The following IRAK4 variants were observed in gnomAD, a reference collection of about 807,000 sequenced individuals.
IRAK4 encodes the protein interleukin-1 receptor-associated kinase 4.
A neutral mutation model predicts 51.8 loss-of-function variants in IRAK4; 44 were observed. That is an observed-to-expected ratio of 0.85 (90% CI 0.67 to 1.09). The LOEUF (loss-of-function observed/expected upper bound fraction) is 1.09, where lower values mean the gene tolerates loss of function less well. Ranked by LOEUF, IRAK4 falls within the 50% of genes least tolerant of loss-of-function variation. The probability of loss-of-function intolerance (pLI) is 0.00; values close to 1 mark genes in which losing one functional copy is unlikely to be tolerated. For synonymous variants in IRAK4, 149 were observed against 174.1 expected, an observed-to-expected ratio of 0.86 and a Z score of 1.13; for missense variants, 487 against 538.0, an observed-to-expected ratio of 0.91 and a Z score of 0.94.
chr12:43,783,221 T>C (rs1258748284), intron 9 of IRAK4, among the ~76,000 whole-genome samples: 2 of 152,118 alleles, frequency 1.3e-5, no homozygotes, highest in Non-Finnish European at 1.5e-5. Context: ...GACATAGCTT[T>C]GTATAGAATG....
Position 43,786,733 on chromosome 12 carries a change from C to T in IRAK4, c.*18C>T. On this transcript the variant is annotated 3_prime_UTR_variant, in exon 12 of 12. Coordinates refer to ENST00000613694, the MANE Select transcript of IRAK4 (RefSeq NM_016123.4). ...CTTCTTAAAACTTTATTGGAAAAGA[C>T]TCTTGACTTTTTATATACACCTATC... The T allele has an allele frequency of 6.2e-7, 1 of 1,607,702 alleles. No homozygotes were observed. The highest frequency in any genetic ancestry group is 8.5e-7 in the Non-Finnish European group (1 of 1,174,584).
chr12:43,772,421 T>C (rs1424530159), intron 4 of IRAK4, 59 bp downstream of exon 4: 1 of 1,446,646 alleles, frequency 6.9e-7, no homozygotes, highest in African/African-American at 1.4e-5. Context: ...ACCAGTGCTT[T>C]AAAAGAAAGC....
chr12:43,777,481 CAT>C, intron 6 of IRAK4, 147 bp from the exon 7 acceptor site: 1 of 631,200 alleles, frequency 1.6e-6, no homozygotes, highest in Non-Finnish European at 2.5e-6. Context: ...TTACAATAAA[CAT>C]ATATAAACAT....
chr12:43,764,242 G>A (rs1360696351), intron 1 of IRAK4, among the ~76,000 whole-genome samples: 1 of 152,140 alleles, frequency 6.6e-6, no homozygotes, highest in Admixed American at 6.5e-5. Flanking sequence ...TGGTCAACAT[G>A]GCGAAACCCC....
chr12:43,783,314 T>C (rs1277582446), intron 9 of IRAK4, among the ~76,000 whole-genome samples: 2 of 151,772 alleles, frequency 1.3e-5, no homozygotes. Context: ...TAATATCATG[T>C]ATAATATATA....
chr12:43,779,917 C>T (rs1380698014), intron 8 of IRAK4, among the ~76,000 whole-genome samples: 2 of 152,090 alleles, frequency 1.3e-5, no homozygotes, highest in South Asian at 2.1e-4. Context: ...ACTGTATTCA[C>T]TTGAGGGGAG....
chr12:43,771,020 C>T, intron 2 of IRAK4, 200 bp from the exon 3 acceptor site: 1 of 692,670 alleles, frequency 1.4e-6, no homozygotes, highest in Non-Finnish European at 2.6e-6. Flanking sequence ...TTTTGCCCTT[C>T]TGCCCTTCCA....
intron 8 of IRAK4, among the ~76,000 whole-genome samples, chr12:43,781,691 A>G (rs1336705644): frequency 6.6e-6 from 1 of 152,238 alleles, no homozygotes; most frequent in Non-Finnish European, 1.5e-5. Context: ...CACAGACAAG[A>G]TTTTAAGACT....
At position 43,788,144 on chromosome 12, in the gene IRAK4, C is replaced by G. The variant is rs1942330268; in HGVS notation, c.*1429C>G. 1 of 152,206 alleles carries G rather than the reference C, an allele frequency of 6.6e-6. No homozygotes were observed. Among genetic ancestry groups the G allele is most frequent in the African/African-American group, 2.4e-5 (1 of 41,444 alleles). 9.4% of individuals were successfully genotyped at this position (152,206 alleles called of 1,614,324 possible). ...GTAATAGAAAACAAATACAGATACT[C>G]TCCCATGATGTTTTTCCCATGATGA... is the stretch of plus-strand genomic sequence containing the variant. On this transcript the variant is annotated 3_prime_UTR_variant, in exon 12 of 12. Coordinates refer to ENST00000613694, the MANE Select transcript of IRAK4 (RefSeq NM_016123.4).
chr12:43,762,192 C>T (rs1450353081), intron 1 of IRAK4, among the ~76,000 whole-genome samples: 2 of 152,148 alleles, frequency 1.3e-5, no homozygotes, highest in African/African-American at 4.8e-5. Context: ...TATGAATATA[C>T]ATTTAAAGTA....
chr12:43,774,056 T>C (rs1256514066), intron 6 of IRAK4, 27 bp downstream of exon 6: 2 of 1,557,544 alleles, frequency 1.3e-6, no homozygotes, highest in East Asian at 4.5e-5. Flanking sequence ...CAGTGCGGTG[T>C]AGTGGAAAGA....
At position 43,777,735 on chromosome 12, in the gene IRAK4, C is replaced by A; in HGVS notation, c.822C>A (p.Leu274=). The A allele has an allele frequency of 1.9e-6, 3 of 1,608,694 alleles. No individual in the cohort carries two copies. In the East Asian group the frequency reaches 6.7e-5, roughly 36 times the overall value. ...YMPNGSLLDR[L]SCLDGTPPLS... Reference sequence around the variant, plus strand: ...CTAATGGTTCATTGCTAGACAGACTCTCTTGCTTGGTAAGCTATTTGTTCA... The same window carrying A: ...CTAATGGTTCATTGCTAGACAGACTATCTTGCTTGGTAAGCTATTTGTTCA... Residue 274 remains leucine (L), a synonymous_variant, in exon 7 of 12, where the codon CTC becomes CTA. Transcript: ENST00000613694.
At chr12:43,778,089 A>G (rs111717429) in intron 7 of IRAK4, 104 bp from the exon 8 acceptor site, 5 of 727,430 alleles carry the variant, frequency 6.9e-6, no homozygotes, top group Non-Finnish European at 1.2e-5. Context: ...TAATGCTATA[A>G]CATCATCTTC....
chr12:43,773,205 T>C, intron 5 of IRAK4, 133 bp downstream of exon 5: 1 of 886,430 alleles, frequency 1.1e-6, no homozygotes, highest in Non-Finnish European at 1.7e-6. Context: ...TTCTAAATAG[T>C]AGTTCTTAAA....
In IRAK4 at chr12:43,786,708, CT is replaced by C; in HGVS notation, c.1378del (p.Ser460LeufsTer45). 1 of 1,613,018 alleles carries C rather than the reference CT, an allele frequency of 6.2e-7. No homozygotes were observed. Among genetic ancestry groups the C allele is most frequent in the Non-Finnish European group, 8.5e-7 (1 of 1,179,274 alleles). Reference sequence around the variant, plus strand: ...CAACAGCTGCTGCAAGAGATGACAGCTTCTTAAAACTTTATTGGAAAAGACT... The same window carrying C: ...CAACAGCTGCTGCAAGAGATGACAGCTCTTAAAACTTTATTGGAAAAGACT... ...KVQQLLQEMT[A>X]S On this transcript the variant is annotated frameshift_variant, in exon 12 of 12. Transcript: ENST00000613694. LOFTEE classifies it high-confidence loss of function.
intron 8 of IRAK4, among the ~76,000 whole-genome samples, chr12:43,780,433 GTAGGGTTACTGAGAATGT>G (rs1379860374): frequency 2.6e-5 from 4 of 152,122 alleles, no homozygotes; most frequent in African/African-American, 9.7e-5. Flanking sequence ...GATGTGTTCA[GTAGGGTTACTGAGAATGT>G]AGAAAGCAGC....
rs761330500 is a variant in IRAK4, at chr12:43,777,593, A to T, written c.717-37A>T. The T allele has an allele frequency of 3.5e-5, 54 of 1,561,118 alleles. No individual in the cohort carries two copies. The Admixed American group carries it at 9.3e-4, about 27-fold the overall frequency. ...CCAACCTATAGCTGAATATATATTTATTATAATAATTTTGCATGAAAAATT... is the reference window on the plus strand; with the variant it reads ...CCAACCTATAGCTGAATATATATTTTTTATAATAATTTTGCATGAAAAATT... On this transcript the variant is annotated intron_variant, in intron 6 of 11. Coordinates refer to ENST00000613694, the MANE Select transcript of IRAK4 (RefSeq NM_016123.4).
rs765129631 is a variant in IRAK4, at chr12:43,782,293, T to G, written c.942-14T>G. The G allele has an allele frequency of 3.1e-6, 5 of 1,601,194 alleles. No individual in the cohort carries two copies. Among genetic ancestry groups the G allele is most frequent in the Admixed American group, 3.3e-5 (2 of 59,986 alleles). On this transcript the variant is annotated splice_polypyrimidine_tract_variant and intron_variant, in intron 8 of 11. Transcript: ENST00000613694. ...GAAAAACATTTTTTTCTTCAAACTT[T>G]ACATTTTTTTCAGTGCAAATATCTT...
rs1287794029 is a variant in IRAK4, at chr12:43,787,820, G to C, written c.*1105G>C. On this transcript the variant is annotated 3_prime_UTR_variant, in exon 12 of 12. Coordinates refer to ENST00000613694, the MANE Select transcript of IRAK4 (RefSeq NM_016123.4). ...CCTGTAAATCCCAGCACTTTGGGAG[G>C]CCGAGGCAGGCAGATCACCTGAGGT... 6.6e-6 allele frequency: 1 copy of C among 152,602 alleles called. No individual in the cohort carries two copies. Among genetic ancestry groups the C allele is most frequent in the Non-Finnish European group, 1.5e-5 (1 of 68,398 alleles). The allele number at this position is 152,602 out of a possible 1,614,324, so 9.5% of individuals were successfully genotyped here.
Sources: gnomAD v4.1 joint callset for allele counts (sites outside exome capture counted in the v4.1 genomes callset) on GRCh38, gnomAD v4.1.1 for gene constraint, MANE v1.5 for transcripts, NCBI Gene and HGNC (gene_info 2026-07-23, HGNC 2026-07-21) for gene names.